The following GMNC variants were observed in gnomAD, a reference collection of about 807,000 sequenced individuals.
GMNC encodes the protein geminin coiled-coil domain-containing protein 1.
A neutral mutation model predicts 33.6 loss-of-function variants in GMNC; 16 were observed. The observed-to-expected ratio is 0.48, with a 90% CI of 0.32 to 0.72. The LOEUF is 0.72. GMNC is among the 30% of genes least tolerant of loss of function. GMNC has a pLI of 0.03. For missense variants in GMNC, 393 were observed against 388.9 expected (o/e 1.01, Z -0.09); for synonymous variants, 156 against 147.3 (o/e 1.06, Z -0.43).
At chr3:190,856,523 T>G (rs907395147) in intron 4 of GMNC, among the ~76,000 whole-genome samples, 3 of 130,912 alleles carry the variant, frequency 2.3e-5, no homozygotes, top group Non-Finnish European at 4.9e-5. Flanking sequence ...ATAATATCTT[T>G]ATCATTTATA....
intron 3 of GMNC, 80 bp from the exon 4 acceptor site, chr3:190,857,979 T>G (rs1472922396): frequency 2.6e-6 from 2 of 766,668 alleles, no homozygotes; most frequent in East Asian, 5.4e-5. Context: ...GCTCCTTAAC[T>G]GCCTTAAACT....
rs1339861970 is a variant in GMNC at position 190,861,415 on chromosome 3, T to C, written c.4-557A>G. On this transcript the variant is annotated intron_variant, in intron 1 of 4. Coordinates refer to ENST00000442080, the MANE Select transcript of GMNC (RefSeq NM_001146686.3). This position sits in a 1 kb window ranked among gnomAD's most constrained non-coding sequence, Gnocchi z 5.1. The stretch of plus-strand genomic sequence containing the variant: ...TCTGACCTAACATACTGCTGGCTCA[T>C]AGTCCATCAATCTATCTGTCTGTCT... Among the ~76,000 whole-genome samples, 1 of 152,036 alleles carries C rather than the reference T, an allele frequency of 6.6e-6. No homozygotes were observed. The highest frequency in any genetic ancestry group is 1.5e-5 in the Non-Finnish European group (1 of 68,018).
Position 190,861,900 on chromosome 3 carries a change from T to G in GMNC, c.3+713A>C, listed in dbSNP as rs986172832. ...AGAGCCCAGCTTTGGAAAAACTCTT[T>G]TTGACTACTACAGGGCTTCTTTGGA... is the stretch of plus-strand genomic sequence containing the variant. On this transcript the variant is annotated intron_variant, in intron 1 of 4. Transcript: ENST00000442080. This position sits in a 1 kb window ranked among gnomAD's most constrained non-coding sequence, Gnocchi z 5.1. 6.6e-6 allele frequency among the ~76,000 whole-genome samples: 1 copy of G among 152,114 alleles called. No homozygotes were observed. Among genetic ancestry groups the G allele is most frequent in the East Asian group, 1.9e-4 (1 of 5,192 alleles).
chr3:190,844,363 A>T, the GMNC span, among the ~76,000 whole-genome samples: 1,601 of 151,958 alleles, frequency 0.011, 28 homozygotes, highest in African/African-American at 0.037. Flanking sequence ...TTCTGTTTTT[A>T]GCTTTGTCTA....
Position 190,855,264 on chromosome 3 carries a change from G to A in GMNC, c.*31C>T, listed in dbSNP as rs570117265. On this transcript the variant is annotated 3_prime_UTR_variant, in exon 5 of 5. Coordinates refer to ENST00000442080, the MANE Select transcript of GMNC (RefSeq NM_001146686.3). ...AGAGAGGTCTTTGTAAACAGAGTTCGTGGCAGTGCTTTGTGATAAAAGAGG... is the reference window on the plus strand; with the variant it reads ...AGAGAGGTCTTTGTAAACAGAGTTCATGGCAGTGCTTTGTGATAAAAGAGG... 6.2e-5 allele frequency: 95 copies of A among 1,543,496 alleles called. No individual in the cohort carries two copies. Among genetic ancestry groups the A allele is most frequent in the Middle Eastern group, 1.7e-4 (1 of 5,940 alleles).
intron 4 of GMNC, 93 bp from the exon 5 acceptor site, chr3:190,856,008 C>G: frequency 1.1e-6 from 1 of 916,880 alleles, no homozygotes; most frequent in Non-Finnish European, 1.6e-6. Context: ...TCTCTTCACA[C>G]AAGTAAGATG....
chr3:190,849,605 G>A (rs1737603338), downstream of GMNC, among the ~76,000 whole-genome samples: 1 of 152,110 alleles, frequency 6.6e-6, no homozygotes, highest in Non-Finnish European at 1.5e-5. Flanking sequence ...CTAGTCATTT[G>A]GTATTAAGGA....
Position 190,853,538 on chromosome 3 carries a change from G to T in GMNC, c.*1757C>A, listed in dbSNP as rs1475349976. The T allele has an allele frequency of 6.6e-6, 1 of 151,934 alleles. No homozygotes were observed. Among genetic ancestry groups the T allele is most frequent in the Non-Finnish European group, 1.5e-5 (1 of 67,978 alleles). 9.4% of individuals were successfully genotyped at this position (151,934 alleles called of 1,614,324 possible). ...CAAAACTTTATAAAACAGACCCTTTGCTTACATCACCAAAATAAAGCAACA... is the reference window on the plus strand; with the variant it reads ...CAAAACTTTATAAAACAGACCCTTTTCTTACATCACCAAAATAAAGCAACA... On this transcript the variant is annotated 3_prime_UTR_variant, in exon 5 of 5. Coordinates refer to ENST00000442080, the MANE Select transcript of GMNC (RefSeq NM_001146686.3).
chr3:190,857,809 C>T lies in GMNC; in HGVS notation c.358G>A (p.Val120Ile). ...TTGGCCTTTTCTTCAAGACATTTAA[C>T]CAAAGCAGAATTCAGGTATTGTCTG... ...HLRQYLNSAL[V>I]KCLEEKAKKL... The change falls in exon 4 of 5, where the codon GTT (valine) becomes ATT (isoleucine). Residue 120 changes from valine to isoleucine, a missense_variant. Coordinates refer to ENST00000442080, the MANE Select transcript of GMNC (RefSeq NM_001146686.3). 1.3e-6 allele frequency: 2 copies of T among 1,547,192 alleles called. No individual in the cohort carries two copies. Among genetic ancestry groups the T allele is most frequent in the Non-Finnish European group, 8.7e-7 (1 of 1,142,936 alleles).
chr3:190,857,500 C>T (rs374086648), intron 4 of GMNC, among the ~76,000 whole-genome samples: 2 of 152,040 alleles, frequency 1.3e-5, no homozygotes, highest in African/African-American at 4.8e-5. Flanking sequence ...CTAATTCTGC[C>T]TTTTGATTAA....
Position 190,853,205 on chromosome 3 carries a change from T to G in GMNC, c.*2090A>C, listed in dbSNP as rs991465804. The G allele has an allele frequency of 2.0e-5, 3 of 152,102 alleles. No homozygotes were observed. The highest frequency in any genetic ancestry group is 4.4e-5 in the Non-Finnish European group (3 of 67,966). The allele number at this position is 152,102 out of a possible 1,614,324, so 9.4% of individuals were successfully genotyped here. A position where few individuals can be genotyped will look rare whatever the true frequency, so the allele number is the denominator to read the frequency against. On this transcript the variant is annotated 3_prime_UTR_variant, in exon 5 of 5. Coordinates refer to ENST00000442080, the MANE Select transcript of GMNC (RefSeq NM_001146686.3). ...GATAAGGCACACAAAGAATGCAAAATAAATATTTGTTAACTCATACATTTC... is the reference window on the plus strand; with the variant it reads ...GATAAGGCACACAAAGAATGCAAAAGAAATATTTGTTAACTCATACATTTC...
chr3:190,861,045 G>A lies in GMNC; in HGVS notation c.4-187C>T, dbSNP rs1737855128. Among the ~76,000 whole-genome samples the A allele has an allele frequency of 6.6e-6, 1 of 152,112 alleles. No homozygotes were observed. Among genetic ancestry groups the A allele is most frequent in the Non-Finnish European group, 1.5e-5 (1 of 68,010 alleles). On this transcript the variant is annotated intron_variant, in intron 1 of 4. Transcript: ENST00000442080. This position sits in a 1 kb window ranked among gnomAD's most constrained non-coding sequence, Gnocchi z 5.1. The stretch of plus-strand genomic sequence containing the variant: ...TGGTCAAATTATAATTACTAAAAGG[G>A]AATGAGTTTCTTGGTTTACCCAGAA...
rs938851679 is a variant in GMNC, at chr3:190,856,469, TTATAAATAAATATAAA to T, written c.385-570_385-555del. ...TTCATAAATTTATATGAATAAATAT[TTATAAATAAATATAAA>T]TATATTTATAAACAATATTATTTAT... On this transcript the variant is annotated intron_variant, in intron 4 of 4. Coordinates refer to ENST00000442080, the MANE Select transcript of GMNC (RefSeq NM_001146686.3). Among the ~76,000 whole-genome samples, 1,121 of 140,266 alleles carry T rather than the reference TTATAAATAAATATAAA, an allele frequency of 8.0e-3. 80 individuals carry two copies. Among genetic ancestry groups the T allele is most frequent in the African/African-American group, 0.029 (1,052 of 35,984 alleles). The allele number at this position is 140,266 out of a possible 152,430, so 92.0% of individuals were successfully genotyped here.
At chr3:190,860,588 G>A (rs2108533701) in intron 2 of GMNC, 96 bp downstream of exon 2, 2 of 1,033,528 alleles carry the variant, frequency 1.9e-6, no homozygotes, top group Non-Finnish European at 2.7e-6. Context: ...TTTCCATATC[G>A]TCCCTTATTC....
rs542548519 is a variant in GMNC, at chr3:190,861,488, A to G, written c.4-630T>C. Among the ~76,000 whole-genome samples, 100 of 151,714 alleles carry G rather than the reference A, an allele frequency of 6.6e-4. No homozygotes were observed. The highest frequency in any genetic ancestry group is 1.1e-3 in the Non-Finnish European group (78 of 67,938). ...TATCTATCTATCTATCTATCTATCT[A>G]TCTATCTATCTATCTATCTATCTCT... On this transcript the variant is annotated intron_variant, in intron 1 of 4. Coordinates refer to ENST00000442080, the MANE Select transcript of GMNC (RefSeq NM_001146686.3). The surrounding 1 kb of genome is among the most constrained non-coding windows in gnomAD (Gnocchi z 5.1).
At chr3:190,843,633 C>T in the GMNC span, among the ~76,000 whole-genome samples, 2 of 152,100 alleles carry the variant, frequency 1.3e-5, no homozygotes, top group Non-Finnish European at 2.9e-5. Flanking sequence ...AACTCCACTC[C>T]TTCTCCCTTC....
intron 4 of GMNC, among the ~76,000 whole-genome samples, chr3:190,856,320 A>T (rs1194316156): frequency 7.0e-6 from 1 of 142,554 alleles, no homozygotes; most frequent in Non-Finnish European, 1.5e-5. Flanking sequence ...TTTATTTATA[A>T]ATATTTATAA....
rs907450326 is a variant in GMNC at position 190,856,328 on chromosome 3, T to C, written c.385-413A>G. Among the ~76,000 whole-genome samples, 9 of 144,052 alleles carry C rather than the reference T, an allele frequency of 6.2e-5. No individual in the cohort carries two copies. In the South Asian group the frequency reaches 1.3e-3, roughly 20 times the overall value. The allele number at this position is 144,052 out of a possible 152,430, so 94.5% of individuals were successfully genotyped here. ...ACTTATATTTATTTATAAATATTTA[T>C]AAATAAATAAAAATATTTATTAATA... On this transcript the variant is annotated intron_variant, in intron 4 of 4. Coordinates refer to ENST00000442080, the MANE Select transcript of GMNC (RefSeq NM_001146686.3).
At position 190,856,044 on chromosome 3, in the gene GMNC, A is replaced by G. The variant is rs971436763; in HGVS notation, c.385-129T>C. 48 of 680,126 alleles carry G rather than the reference A, an allele frequency of 7.1e-5. No homozygotes were observed. In the East Asian group the frequency reaches 1.2e-3, roughly 17 times the overall value. 42.1% of individuals were successfully genotyped at this position (680,126 alleles called of 1,614,324 possible). ...GATTGGATTAGCTTGTTTGTAAAGT[A>G]AAATCTGTGATGACAAGTTACTGCC... On this transcript the variant is annotated intron_variant, in intron 4 of 4. Coordinates refer to ENST00000442080, the MANE Select transcript of GMNC (RefSeq NM_001146686.3).
Sources: allele counts gnomAD v4.1 joint callset (sites outside exome capture counted in the v4.1 genomes callset), GRCh38; gene constraint gnomAD v4.1.1; non-coding constraint Gnocchi (gnomAD v3.1); transcripts MANE v1.5; gene names NCBI Gene and HGNC (gene_info 2026-07-23, HGNC 2026-07-21).